The following NBPF3 variants were observed in gnomAD, a reference collection of about 807,000 sequenced individuals.
The protein encoded by NBPF3 is NBPF member 3.
NBPF3 carries 57 observed loss-of-function variants against 78.1 expected under a neutral mutation model. The observed-to-expected ratio is 0.73, with a 90% CI of 0.59 to 0.91. NBPF3 has a LOEUF of 0.91. NBPF3 is among the 40% of genes least tolerant of loss of function. The probability of loss-of-function intolerance (pLI) is 0.00; values close to 1 mark genes in which losing one functional copy is unlikely to be tolerated. For synonymous variants in NBPF3, 182 were observed against 271.7 expected (o/e 0.67, Z 3.25); for missense variants, 510 against 715.3 (o/e 0.71, Z 3.27).
intron 1 of NBPF3, among the ~76,000 whole-genome samples, chr1:21,442,550 C>T (rs961584366): frequency 4.6e-5 from 7 of 152,182 alleles, no homozygotes; most frequent in Non-Finnish European, 7.3e-5. Flanking sequence ...TATACTTTAT[C>T]AATCTTTTCC....
intron 10 of NBPF3, among the ~76,000 whole-genome samples, chr1:21,479,798 C>CTT (rs1643085237): frequency 4.3e-5 from 3 of 70,016 alleles, no homozygotes; most frequent in Non-Finnish European, 7.1e-5. Flanking sequence ...CACTATCTCT[C>CTT]TCTCTCTCTC....
At chr1:21,457,186 G>GTGTGTGTGTA (rs1279588702) in intron 2 of NBPF3, among the ~76,000 whole-genome samples, 8 of 151,590 alleles carry the variant, frequency 5.3e-5, no homozygotes, top group Non-Finnish European at 1.2e-4. Flanking sequence ...GTGTGTGTGT[G>GTGTGTGTGTA]TGTATGTATG....
intron 2 of NBPF3, among the ~76,000 whole-genome samples, chr1:21,456,049 A>G (rs76916472): frequency 6.6e-6 from 1 of 152,204 alleles, no homozygotes; most frequent in African/African-American, 2.4e-5. Flanking sequence ...CCTAAAGCCA[A>G]ACCCTGACAA....
At chr1:21,437,219 G>A (rs1337923179), upstream of NBPF3, among the ~76,000 whole-genome samples, 3 of 151,858 alleles carry the variant, frequency 2.0e-5, no homozygotes, top group Non-Finnish European at 4.4e-5. Context: ...TCTGAGAGTG[G>A]AACCAGGATG....
intron 9 of NBPF3, among the ~76,000 whole-genome samples, chr1:21,478,896 T>C (rs892097715): frequency 6.6e-6 from 1 of 152,262 alleles, no homozygotes; most frequent in Non-Finnish European, 1.5e-5. Context: ...TGATAGCTGA[T>C]GCTTCTGTGT....
chr1:21,438,732 C>T (rs1371146148), upstream of NBPF3, among the ~76,000 whole-genome samples: 1 of 152,128 alleles, frequency 6.6e-6, no homozygotes, highest in Non-Finnish European at 1.5e-5. Context: ...CTTAAATGAC[C>T]TGCACAGTCA....
In NBPF3 at chr1:21,481,711, C is replaced by T. The variant is rs776385306; in HGVS notation, c.1548C>T (p.Tyr516=). Residue 516 remains tyrosine, a synonymous_variant, in exon 13 of 15, where the codon TAC becomes TAT. Transcript: ENST00000318249. ...AACTGCCTGATTCATGCCAGCCCTA[C>T]GGAAGTTGCTTTTACTCATTGGAGG... ...YPELPDSCQP[Y]GSCFYSLEEE... is the part of the protein sequence containing the mutation. 68 of 1,598,000 alleles carry T rather than the reference C, an allele frequency of 4.3e-5. 2 individuals are homozygous for T. In the African/African-American group the frequency reaches 5.0e-4, roughly 12 times the overall value.
At chr1:21,450,002 A>C (rs1442020405) in intron 2 of NBPF3, 1 of 167,250 alleles carries the variant, frequency 6.0e-6, no homozygotes, top group East Asian at 1.9e-4. Context: ...ATTGAAATTC[A>C]AGAGGAGAGA....
At chr1:21,468,393 A>G in intron 2 of NBPF3, 1 of 1,304,688 alleles carries the variant, frequency 7.7e-7, no homozygotes, top group Non-Finnish European at 9.8e-7. Flanking sequence ...CAGGGCTCCT[A>G]AGATTCCATG....
chr1:21,438,361 G>A (rs913307893), upstream of NBPF3, among the ~76,000 whole-genome samples: 1 of 152,078 alleles, frequency 6.6e-6, no homozygotes, highest in Non-Finnish European at 1.5e-5. Context: ...TGATCCACCC[G>A]CTTCGGCCAC....
Position 21,470,735 on chromosome 1 carries a change from G to A in NBPF3, c.446+1G>A, listed in dbSNP as rs374133700. 1.3e-6 allele frequency: 2 copies of A among 1,594,808 alleles called. No homozygotes were observed. Among genetic ancestry groups the A allele is most frequent in the Admixed American group, 1.7e-5 (1 of 59,338 alleles). Reference sequence around the variant, plus strand: ...AGCTCGGGCAAGCTGAGGAGCTCAGGTGAGTGGGCCCCCTGGGGTCAGGCA... The same window carrying A: ...AGCTCGGGCAAGCTGAGGAGCTCAGATGAGTGGGCCCCCTGGGGTCAGGCA... On this transcript the variant is annotated splice_donor_variant, in intron 4 of 14. Coordinates refer to ENST00000318249, the MANE Select transcript of NBPF3 (RefSeq NM_032264.6). LOFTEE classifies it high-confidence loss of function.
At chr1:21,444,083 C>T (rs1274180038) in intron 1 of NBPF3, among the ~76,000 whole-genome samples, 2 of 152,198 alleles carry the variant, frequency 1.3e-5, no homozygotes, top group Non-Finnish European at 2.9e-5. Context: ...CTCTTTTATT[C>T]ACCACTGTAT....
In NBPF3 at chr1:21,470,679, C is replaced by T. The variant is rs1199489486; in HGVS notation, c.391C>T (p.Arg131Trp). Residue 131 changes from arginine (R) to tryptophan (W), a missense_variant, in exon 4 of 15, where the codon CGG becomes TGG. Physicochemically the swap from Arg to Trp is moderately radical, Grantham distance 101. Coordinates refer to ENST00000318249, the MANE Select transcript of NBPF3 (RefSeq NM_032264.6). ...CATAAAATCTATGCTGAGGGATGAG[C>T]GGCTGCTCACAGAAGAGAAGCTTGC... ...DLIKSMLRDE[R>W]LLTEEKLAEE... 6 of 1,600,348 alleles carry T rather than the reference C, an allele frequency of 3.7e-6. No homozygotes were observed. The highest frequency in any genetic ancestry group is 5.1e-6 in the Non-Finnish European group (6 of 1,171,152).
Position 21,445,149 on chromosome 1 carries a change from T to C in NBPF3, c.63T>C (p.Thr21=). 1.9e-6 allele frequency: 3 copies of C among 1,611,888 alleles called. No individual in the cohort carries two copies. Among genetic ancestry groups the C allele is most frequent in the Non-Finnish European group, 2.5e-6 (3 of 1,179,834 alleles). ...CTCTCCGAGGCCCTGATGTAGAAAC[T>C]TCCCCATTCGGTGCACCAAGAGCAG... ...QWTLRGPDVE[T]SPFGAPRAAS... The change falls in exon 2 of 15, where the codon ACT becomes ACC. Residue 21 remains threonine (T), a synonymous_variant. Transcript: ENST00000318249.
chr1:21,463,245 G>C (rs1030726312), intron 2 of NBPF3, among the ~76,000 whole-genome samples: 3 of 152,156 alleles, frequency 2.0e-5, no homozygotes, highest in African/African-American at 7.2e-5. Flanking sequence ...CGTTCTCAGA[G>C]AGGTCTCGAC....
intron 1 of NBPF3, among the ~76,000 whole-genome samples, chr1:21,441,246 G>T (rs1202280433): frequency 6.6e-6 from 1 of 152,154 alleles, no homozygotes; most frequent in Non-Finnish European, 1.5e-5. Flanking sequence ...GCTGATATGC[G>T]TTAGTAGCTT....
chr1:21,442,077 C>T (rs1351849733), intron 1 of NBPF3, among the ~76,000 whole-genome samples: 2 of 152,074 alleles, frequency 1.3e-5, no homozygotes, highest in Non-Finnish European at 2.9e-5. Context: ...CATTGATATG[C>T]TTGTTTTCCT....
intron 8 of NBPF3, among the ~76,000 whole-genome samples, chr1:21,477,552 T>C (rs576203733): frequency 6.6e-6 from 1 of 152,278 alleles, no homozygotes; most frequent in East Asian, 1.9e-4. Flanking sequence ...TGGTGGAGTT[T>C]GCTGGAGGTC....
chr1:21,456,203 C>T lies in NBPF3; in HGVS notation c.133+10984C>T, dbSNP rs553732488. Among the ~76,000 whole-genome samples the T allele has an allele frequency of 7.2e-5, 11 of 152,288 alleles. No homozygotes were observed. The South Asian group carries it at 1.0e-3, about 14-fold the overall frequency. On this transcript the variant is annotated intron_variant, in intron 2 of 14. Coordinates refer to ENST00000318249, the MANE Select transcript of NBPF3 (RefSeq NM_032264.6). ...AGTGATCGATCAGACAGTAATTTTA[C>T]GCCCACTAGAGCAAAATTAATTCAC...
Sources: allele counts gnomAD v4.1 joint callset (sites outside exome capture counted in the v4.1 genomes callset), GRCh38; gene constraint gnomAD v4.1.1; transcripts MANE v1.5; gene names NCBI Gene and HGNC (gene_info 2026-07-23, HGNC 2026-07-21).